Variants in PDZRN3 observed in about 807,000 individuals in gnomAD.
PDZRN3 encodes PDZ domain containing ring finger 3.
Under a neutral mutation model 85.7 loss-of-function variants are expected in PDZRN3, and 38 were observed. The observed-to-expected ratio is 0.44, with a 90% CI of 0.34 to 0.58. PDZRN3 has a LOEUF of 0.58. Among genes scored for constraint, PDZRN3 ranks in the 20% least tolerant of loss-of-function variants. The pLI is 0.01. For synonymous variants in PDZRN3, 759 were observed against 638.0 expected, an observed-to-expected ratio of 1.19 and a Z score of -2.86; for missense variants, 1,629 against 1,506.4, an observed-to-expected ratio of 1.08 and a Z score of -1.35.
intron 3 of PDZRN3, among the ~76,000 whole-genome samples, chr3:73,423,526 A>T (rs577661018): frequency 2.4e-4 from 36 of 152,336 alleles, no homozygotes; most frequent in Middle Eastern, 3.4e-3. Flanking sequence ...AAAAAAGATA[A>T]ACTTTTTGCT....
At chr3:73,563,003 ATATATATATATTTTTTTT>A (rs1701860205) in intron 3 of PDZRN3, among the ~76,000 whole-genome samples, 2 of 37,132 alleles carry the variant, frequency 5.4e-5, no homozygotes, top group African/African-American at 2.2e-4. Flanking sequence ...ATATATATAT[ATATATATATATTTTTTTT>A]TTTTTTTTTT....
chr3:73,440,981 G>A (rs543523038), intron 3 of PDZRN3, among the ~76,000 whole-genome samples: 4 of 152,346 alleles, frequency 2.6e-5, no homozygotes, highest in African/African-American at 4.8e-5. Flanking sequence ...ACCAGGGGCG[G>A]AAAGCCCTTC....
chr3:73,443,068 C>T (rs562598990), intron 3 of PDZRN3, among the ~76,000 whole-genome samples: 2 of 152,268 alleles, frequency 1.3e-5, no homozygotes, highest in Admixed American at 6.5e-5. Context: ...TGCTCCCAGC[C>T]GCGCCCCACC....
chr3:73,530,054 T>A (rs553891714), intron 3 of PDZRN3, among the ~76,000 whole-genome samples: 11 of 152,218 alleles, frequency 7.2e-5, no homozygotes, highest in Non-Finnish European at 1.2e-4. Context: ...TACCCATTCA[T>A]GTAATCATAA....
At chr3:73,571,679 C>T (rs1470190522) in intron 3 of PDZRN3, among the ~76,000 whole-genome samples, 1 of 152,126 alleles carries the variant, frequency 6.6e-6, no homozygotes, top group African/African-American at 2.4e-5. Context: ...AGAGTCCTGC[C>T]CCCAGAGAAG....
At chr3:73,497,566 T>C (rs142329012) in intron 3 of PDZRN3, among the ~76,000 whole-genome samples, 7 of 152,350 alleles carry the variant, frequency 4.6e-5, no homozygotes, top group African/African-American at 1.7e-4. Context: ...ATTATTGCCA[T>C]TGTAAAATTT....
chr3:73,484,847 G>C (rs1703634976), intron 3 of PDZRN3, among the ~76,000 whole-genome samples: 1 of 152,170 alleles, frequency 6.6e-6, no homozygotes, highest in African/African-American at 2.4e-5. Flanking sequence ...GTTTGCATAT[G>C]AAAGTCCTAG....
intron 3 of PDZRN3, among the ~76,000 whole-genome samples, chr3:73,573,847 ATATACG>A (rs1404546690): frequency 2.0e-5 from 3 of 151,060 alleles, no homozygotes; most frequent in East Asian, 3.9e-4. Context: ...ATACATATAC[ATATACG>A]GTCCTTACCA....
chr3:73,448,794 G>A (rs1158152966), intron 3 of PDZRN3, among the ~76,000 whole-genome samples: 2 of 152,204 alleles, frequency 1.3e-5, no homozygotes, highest in African/African-American at 4.8e-5. Context: ...TTCACAGTAT[G>A]TAACACCTCA....
At chr3:73,481,186 G>A (rs1376409733) in intron 3 of PDZRN3, among the ~76,000 whole-genome samples, 4 of 152,196 alleles carry the variant, frequency 2.6e-5, no homozygotes, top group Non-Finnish European at 5.9e-5. Flanking sequence ...CTGACACAAA[G>A]ACTATGTGCG....
chr3:73,397,596 A>C (rs1701666113), intron 5 of PDZRN3, among the ~76,000 whole-genome samples: 2 of 152,342 alleles, frequency 1.3e-5, no homozygotes, highest in South Asian at 4.1e-4. Flanking sequence ...ACACCTCTGA[A>C]ACAGAGCAAT....
chr3:73,520,169 T>C (rs1704329928), intron 3 of PDZRN3, among the ~76,000 whole-genome samples: 1 of 152,138 alleles, frequency 6.6e-6, no homozygotes, highest in Non-Finnish European at 1.5e-5. Flanking sequence ...TCAAACTGCT[T>C]TGTCTCCTAT....
intron 3 of PDZRN3, among the ~76,000 whole-genome samples, chr3:73,520,934 G>C (rs1464015603): frequency 1.3e-5 from 2 of 152,206 alleles, no homozygotes; most frequent in Non-Finnish European, 2.9e-5. Context: ...AAATCAGTGG[G>C]CTGAGGCCAG....
rs577286291 is a variant in PDZRN3, at chr3:73,400,473, A to T, written c.1254+449T>A. 5.1e-4 allele frequency among the ~76,000 whole-genome samples: 77 copies of T among 152,304 alleles called. 1 individual carries two copies. The South Asian group carries it at 0.016, about 31-fold the overall frequency. On this transcript the variant is annotated intron_variant, in intron 5 of 9. Coordinates refer to ENST00000263666, the MANE Select transcript of PDZRN3 (RefSeq NM_015009.3). ...TTCTGTATCAATGTTAGCAAACTTG[A>T]AGCAAGTGAAGCAGTGAACAAACCC...
chr3:73,413,732 A>G (rs769085098), intron 3 of PDZRN3, among the ~76,000 whole-genome samples: 3 of 152,078 alleles, frequency 2.0e-5, no homozygotes, highest in Admixed American at 6.5e-5. Context: ...GTGTAGTGAA[A>G]AGGGGCAGTC....
chr3:73,585,889 C>A (rs1001577556), intron 3 of PDZRN3, among the ~76,000 whole-genome samples: 3 of 152,154 alleles, frequency 2.0e-5, no homozygotes. Context: ...CTGGCACCTT[C>A]ATAAGCAAAA....
intron 3 of PDZRN3, among the ~76,000 whole-genome samples, chr3:73,430,840 A>G (rs1180301982): frequency 6.6e-6 from 1 of 152,144 alleles, no homozygotes; most frequent in African/African-American, 2.4e-5. Context: ...CTCCTTGACA[A>G]CCTTAAAGCA....
At chr3:73,397,159 G>A (rs896811281) in intron 5 of PDZRN3, among the ~76,000 whole-genome samples, 2 of 151,492 alleles carry the variant, frequency 1.3e-5, no homozygotes, top group Non-Finnish European at 2.9e-5. Flanking sequence ...TCAGCCTCCC[G>A]AGTAGCTGGG....
At chr3:73,451,343 C>G (rs948647332) in intron 3 of PDZRN3, among the ~76,000 whole-genome samples, 1 of 152,124 alleles carries the variant, frequency 6.6e-6, no homozygotes, top group Non-Finnish European at 1.5e-5. Flanking sequence ...ATGTGTGGCT[C>G]TATGTGTTAG....
Sources: gnomAD v4.1 joint callset for allele counts (sites outside exome capture counted in the v4.1 genomes callset) on GRCh38, gnomAD v4.1.1 for gene constraint, MANE v1.5 for transcripts, NCBI Gene and HGNC (gene_info 2026-07-23, HGNC 2026-07-21) for gene names.